RGPD4: variants seen among roughly 807,000 people sequenced by gnomAD.
The protein encoded by RGPD4 is RANBP2 like and GRIP domain containing 4.
In RGPD4, 84 loss-of-function variants were observed where a neutral mutation model predicts 141.1. The ratio of observed to expected loss-of-function variants is 0.60; its 90% CI spans 0.50 to 0.71. The LOEUF is 0.71. RGPD4 is among the 30% of genes least tolerant of loss of function. The pLI is 0.00. For synonymous variants in RGPD4, 298 were observed against 566.8 expected (o/e 0.53, Z 6.74); for missense variants, 918 against 1,622.4 (o/e 0.57, Z 7.46).
At chr2:107,877,899 C>T (rs1421608812) in intron 20 of RGPD4, among the ~76,000 whole-genome samples, 9 of 151,730 alleles carry the variant, frequency 5.9e-5, no homozygotes, top group Admixed American at 4.6e-4. Context: ...CTACAACCTC[C>T]GCCTCCTGGC....
rs368779989 is a variant in RGPD4 at position 107,838,646 on chromosome 2, C to G, written c.253-166C>G. ...TTCATTTCCAGAAAATTCCAAGACA[C>G]TTTTATTTTAACACCTTTGAAGTAA... is the stretch of plus-strand genomic sequence containing the variant. On this transcript the variant is annotated intron_variant, in intron 3 of 22. Coordinates refer to ENST00000408999, the MANE Select transcript of RGPD4 (RefSeq NM_182588.3). Among the ~76,000 whole-genome samples, 9 of 73,116 alleles carry G rather than the reference C, an allele frequency of 1.2e-4. 2 individuals carry two copies. The East Asian group carries it at 2.1e-3, about 17-fold the overall frequency. 48.0% of individuals were successfully genotyped at this position (73,116 alleles called of 152,430 possible). A position where few individuals can be genotyped will look rare whatever the true frequency, so the allele number is the denominator to read the frequency against.
At chr2:107,845,506 G>A (rs567515468) in intron 6 of RGPD4, among the ~76,000 whole-genome samples, 1 of 149,678 alleles carries the variant, frequency 6.7e-6, no homozygotes, top group African/African-American at 2.5e-5. Context: ...GGTTACTTGG[G>A]GGCCTGAAGG....
intron 8 of RGPD4, among the ~76,000 whole-genome samples, chr2:107,856,078 C>T (rs911307650): frequency 3.0e-5 from 4 of 135,202 alleles, no homozygotes; most frequent in Non-Finnish European, 4.6e-5. Flanking sequence ...TTTCCTGAGA[C>T]AGTCTTACTC....
Position 107,886,054 on chromosome 2 carries a change from CAA to C in RGPD4, c.5266+3196_5266+3197del, listed in dbSNP as rs199917332. ...AGCAACAAGATCAAAACTCTTATCT[CAA>C]AAAAAAAAAAAAAAGTAAACTACAA... is the stretch of plus-strand genomic sequence containing the variant. On this transcript the variant is annotated intron_variant, in intron 22 of 22. Coordinates refer to ENST00000408999, the MANE Select transcript of RGPD4 (RefSeq NM_182588.3). 8.0e-3 allele frequency among the ~76,000 whole-genome samples: 1,020 copies of C among 126,942 alleles called. 6 individuals are homozygous for C. The highest frequency in any genetic ancestry group is 0.019 in the African/African-American group (637 of 34,112). 83.3% of individuals were successfully genotyped at this position (126,942 alleles called of 152,430 possible).
At chr2:107,873,574 CAAAA>C (rs3053241) in intron 20 of RGPD4, among the ~76,000 whole-genome samples, 23 of 125,420 alleles carry the variant, frequency 1.8e-4, no homozygotes, top group African/African-American at 6.6e-4. Context: ...ACTTTGTCTC[CAAAA>C]AAAAAAAAAA....
intron 8 of RGPD4, among the ~76,000 whole-genome samples, chr2:107,856,115 G>A (rs1447655448): frequency 4.0e-5 from 5 of 125,674 alleles, no homozygotes; most frequent in South Asian, 5.5e-4. Context: ...GTGCAGTGGC[G>A]TGATCTCGGC....
intron 20 of RGPD4, among the ~76,000 whole-genome samples, chr2:107,878,270 AC>A (rs1313082815): frequency 6.6e-6 from 1 of 151,632 alleles, no homozygotes; most frequent in Non-Finnish European, 1.5e-5. Context: ...CTCACACTTA[AC>A]CTTTAAAAAA....
At chr2:107,883,074 G>C (rs561814951) in intron 22 of RGPD4, 2 of 808,564 alleles carry the variant, frequency 2.5e-6, no homozygotes, top group Admixed American at 2.4e-5. Flanking sequence ...TAATTTTAAC[G>C]TTCAGCAAAA....
At chr2:107,829,635 G>A (rs1385744545) in intron 1 of RGPD4, among the ~76,000 whole-genome samples, 2 of 152,088 alleles carry the variant, frequency 1.3e-5, no homozygotes, top group Admixed American at 1.3e-4. Flanking sequence ...CGGCCGGCTG[G>A]CGCAGTCCTG....
intron 1 of RGPD4, among the ~76,000 whole-genome samples, chr2:107,833,574 G>C (rs937596080): frequency 6.6e-6 from 1 of 150,376 alleles, no homozygotes; most frequent in African/African-American, 2.5e-5. Context: ...CAGTTCCCTT[G>C]TAAAGTGAGC....
In RGPD4 at chr2:107,871,279, T is replaced by A. The variant is rs755684736; in HGVS notation, c.3275T>A (p.Val1092Asp). 6.8e-6 allele frequency: 11 copies of A among 1,607,184 alleles called. No individual in the cohort carries two copies. The highest frequency in any genetic ancestry group is 8.5e-6 in the Non-Finnish European group (10 of 1,179,196). ...LGNLKILKNE[V>D]NGKPRMLMRR... ...AACTTAAAAATTCTCAAAAACGAGGTCAATGGCAAACCAAGAATGCTGATG... is the reference window on the plus strand; with the variant it reads ...AACTTAAAAATTCTCAAAAACGAGGACAATGGCAAACCAAGAATGCTGATG... The change falls in exon 20 of 23, where the codon GTC (valine) becomes GAC (aspartate). Residue 1092 changes from valine to aspartate, a missense_variant. Coordinates refer to ENST00000408999, the MANE Select transcript of RGPD4 (RefSeq NM_182588.3).
At chr2:107,883,406 C>T (rs1008453958) in intron 22 of RGPD4, among the ~76,000 whole-genome samples, 12 of 151,424 alleles carry the variant, frequency 7.9e-5, no homozygotes, top group African/African-American at 1.5e-4. Context: ...CCGAGGCAGG[C>T]GGATCACAAG....
At position 107,887,173 on chromosome 2, in the gene RGPD4, T is replaced by C. The variant is rs927973897; in HGVS notation, c.5267-3548T>C. ...AGCAGGATTCTTTGTTATAAGGAGT[T>C]CGAGGCTGCAGTCGAACTTCTGGTC... On this transcript the variant is annotated intron_variant, in intron 22 of 22. Coordinates refer to ENST00000408999, the MANE Select transcript of RGPD4 (RefSeq NM_182588.3). 1.5e-4 allele frequency among the ~76,000 whole-genome samples: 23 copies of C among 151,824 alleles called. 1 individual carries two copies. The highest frequency in any genetic ancestry group is 5.6e-4 in the African/African-American group (23 of 41,254).
rs1391975027 is a variant in RGPD4, at chr2:107,882,972, T to G, written c.5266+99T>G. ...TGTATGTGTAACTTTTCAATTTTGC[T>G]CATTTGAATTGGGTCTGTCATATGA... is the stretch of plus-strand genomic sequence containing the variant. On this transcript the variant is annotated intron_variant, in intron 22 of 22. Coordinates refer to ENST00000408999, the MANE Select transcript of RGPD4 (RefSeq NM_182588.3). 12 of 731,134 alleles carry G rather than the reference T, an allele frequency of 1.6e-5. No homozygotes were observed. The Admixed American group carries it at 3.3e-4, about 20-fold the overall frequency. 45.3% of individuals were successfully genotyped at this position (731,134 alleles called of 1,614,324 possible).
At chr2:107,829,895 T>C (rs1681414342) in intron 1 of RGPD4, among the ~76,000 whole-genome samples, 1 of 152,056 alleles carries the variant, frequency 6.6e-6, no homozygotes, top group East Asian at 2.0e-4. Flanking sequence ...ACATTTACTT[T>C]ATATGCTGCG....
At chr2:107,829,697 G>T (rs1194476616) in intron 1 of RGPD4, among the ~76,000 whole-genome samples, 1 of 152,124 alleles carries the variant, frequency 6.6e-6, no homozygotes, top group South Asian at 2.1e-4. Context: ...GGACCGCGGC[G>T]GGCGGGAGAC....
At chr2:107,827,389 C>T (rs868163923) in intron 1 of RGPD4, among the ~76,000 whole-genome samples, 1 of 84,410 alleles carries the variant, frequency 1.2e-5, no homozygotes, top group African/African-American at 5.4e-5. Flanking sequence ...CTCCCTGGCG[C>T]GCTCTGTTGA....
At chr2:107,857,852 G>A (rs959010992) in intron 9 of RGPD4, among the ~76,000 whole-genome samples, 2 of 151,712 alleles carry the variant, frequency 1.3e-5, no homozygotes, top group African/African-American at 2.4e-5. Flanking sequence ...ATTATCCGGG[G>A]GTGGTGGCAT....
chr2:107,890,587 C>CAA, intron 22 of RGPD4, 134 bp from the exon 23 acceptor site: 2 of 173,682 alleles, frequency 1.2e-5, no homozygotes, highest in Non-Finnish European at 2.3e-5. Context: ...CCCCCCCCCC[C>CAA]CAACAAAAAA....
Sources: gnomAD v4.1 joint callset for allele counts (sites outside exome capture counted in the v4.1 genomes callset) on GRCh38, gnomAD v4.1.1 for gene constraint, MANE v1.5 for transcripts, NCBI Gene and HGNC (gene_info 2026-07-23, HGNC 2026-07-21) for gene names.